Variants in ZNF385D observed in about 807,000 individuals in gnomAD.
ZNF385D encodes the protein zinc finger protein 385D.
Under a neutral mutation model 35.8 loss-of-function variants are expected in ZNF385D, and 15 were observed. That is an observed-to-expected ratio of 0.42 (90% CI 0.28 to 0.64). The LOEUF (loss-of-function observed/expected upper bound fraction) is 0.64. ZNF385D is among the 30% of genes least tolerant of loss of function. The probability of loss-of-function intolerance (pLI) is 0.23; values close to 1 mark genes in which losing one functional copy is unlikely to be tolerated. For missense variants in ZNF385D, 474 were observed against 494.6 expected, an observed-to-expected ratio of 0.96 and a Z score of 0.39; for synonymous variants, 212 against 186.8, an observed-to-expected ratio of 1.13 and a Z score of -1.10.
intron 3 of ZNF385D, among the ~76,000 whole-genome samples, chr3:21,999,236 T>G (rs1036775070): frequency 5.3e-5 from 8 of 152,198 alleles, no homozygotes; most frequent in African/African-American, 1.7e-4. Context: ...GGATATTTCC[T>G]CAGGTTTTCA....
chr3:21,772,308 C>A (rs1160881888), intron 3 of ZNF385D, among the ~76,000 whole-genome samples: 1 of 151,698 alleles, frequency 6.6e-6, no homozygotes, highest in African/African-American at 2.4e-5. Context: ...GAATGGAAGA[C>A]AATATTTGCA....
intron 2 of ZNF385D, among the ~76,000 whole-genome samples, chr3:21,632,444 T>C (rs989377054): frequency 4.6e-5 from 7 of 152,154 alleles, no homozygotes; most frequent in African/African-American, 1.7e-4. Context: ...ATCATTAGTT[T>C]AAACCGTTGG....
At chr3:21,715,073 T>G (rs1217187195) in intron 1 of ZNF385D, among the ~76,000 whole-genome samples, 4 of 152,038 alleles carry the variant, frequency 2.6e-5, no homozygotes, top group Admixed American at 1.3e-4. Context: ...CTTACATATT[T>G]GCTATTTTTT....
At position 21,965,930 on chromosome 3, in the gene ZNF385D, T is replaced by C. The variant is rs546730988; in HGVS notation, c.325+202887A>G. On this transcript the variant is annotated intron_variant, in intron 3 of 5. Coordinates refer to the ZNF385D transcript ENST00000494108. ...AAATAATTAGTGAATCCAGGTAAAG[T>C]CTAGATAAGAGTTCTTTGTACTATT... 3.5e-3 allele frequency among the ~76,000 whole-genome samples: 538 copies of C among 152,220 alleles called. 5 individuals are homozygous for C. Among genetic ancestry groups the C allele is most frequent in the African/African-American group, 0.012 (507 of 41,542 alleles).
chr3:21,434,834 C>T (rs151180857), intron 5 of ZNF385D, among the ~76,000 whole-genome samples: 2 of 151,944 alleles, frequency 1.3e-5, no homozygotes. Context: ...AAAAGGCAAC[C>T]CAAGGAGCAG....
intron 3 of ZNF385D, among the ~76,000 whole-genome samples, chr3:21,977,986 G>A (rs1703741797): frequency 6.6e-6 from 1 of 152,196 alleles, no homozygotes; most frequent in South Asian, 2.1e-4. Context: ...GGAGGTAGTT[G>A]GTATAGCCAA....
intron 2 of ZNF385D, among the ~76,000 whole-genome samples, chr3:22,185,359 C>G (rs1246969975): frequency 2.0e-5 from 3 of 152,166 alleles, no homozygotes; most frequent in African/African-American, 7.2e-5. Context: ...TTATTGCAGG[C>G]TTAATGCAAG....
chr3:21,568,502 A>T (rs942375710), intron 2 of ZNF385D, among the ~76,000 whole-genome samples: 4 of 152,182 alleles, frequency 2.6e-5, no homozygotes, highest in Admixed American at 6.6e-5. Flanking sequence ...GTGTATGCAC[A>T]TTATCGTCAA....
At chr3:21,934,466 G>C (rs985679136) in intron 3 of ZNF385D, among the ~76,000 whole-genome samples, 9 of 151,984 alleles carry the variant, frequency 5.9e-5, no homozygotes, top group African/African-American at 2.2e-4. Flanking sequence ...TATATTCTGA[G>C]GTTAGTAATA....
At chr3:22,155,380 C>T (rs1705520178) in intron 3 of ZNF385D, among the ~76,000 whole-genome samples, 1 of 151,788 alleles carries the variant, frequency 6.6e-6, no homozygotes, top group Non-Finnish European at 1.5e-5. Flanking sequence ...ATTATATACT[C>T]TTAAGATTTT....
intron 1 of ZNF385D, among the ~76,000 whole-genome samples, chr3:21,697,979 A>C (rs187695757): frequency 6.6e-6 from 1 of 152,310 alleles, no homozygotes; most frequent in East Asian, 1.9e-4. Context: ...GAAAAAATGG[A>C]AAACATACAC....
At position 21,413,478 on chromosome 3, in the gene ZNF385D, G is replaced by C. The variant is rs1700520388; in HGVS notation, c.*7736C>G. The C allele has an allele frequency of 6.6e-6, 1 of 152,006 alleles. No individual in the cohort carries two copies. Among genetic ancestry groups the C allele is most frequent in the Admixed American group, 6.6e-5 (1 of 15,242 alleles). The allele number at this position is 152,006 out of a possible 1,614,324, so 9.4% of individuals were successfully genotyped here. A position where few individuals can be genotyped will look rare whatever the true frequency, so the allele number is the denominator to read the frequency against. On this transcript the variant is annotated 3_prime_UTR_variant, in exon 8 of 8. Transcript: ENST00000281523. ...GCTTTGCCACCCCCCAGCTTTGTTA[G>C]TTTTTGTAAAATCAAATTCACCATG...
At chr3:22,069,870 T>C (rs1700146124) in intron 3 of ZNF385D, among the ~76,000 whole-genome samples, 1 of 152,150 alleles carries the variant, frequency 6.6e-6, no homozygotes, top group Non-Finnish European at 1.5e-5. Flanking sequence ...CTTCCTTTGC[T>C]CTATGTCTCC....
At chr3:22,361,507 T>C (rs769398252) in intron 2 of ZNF385D, among the ~76,000 whole-genome samples, 3 of 152,090 alleles carry the variant, frequency 2.0e-5, no homozygotes, top group African/African-American at 7.2e-5. Context: ...TGACTGTGGT[T>C]ATGAAGCCTA....
chr3:21,939,590 T>C (rs1701420336), intron 3 of ZNF385D, among the ~76,000 whole-genome samples: 3 of 152,234 alleles, frequency 2.0e-5, no homozygotes, highest in Admixed American at 1.3e-4. Flanking sequence ...ATAGAAGGAA[T>C]TAAATATCCA....
chr3:22,018,260 G>A (rs1846162), intron 3 of ZNF385D, among the ~76,000 whole-genome samples: 68,795 of 151,016 alleles, frequency 0.46, 16,214 homozygotes, highest in East Asian at 0.82. Context: ...AGAATTTTTC[G>A]AAAATAACTT....
intron 2 of ZNF385D, among the ~76,000 whole-genome samples, chr3:22,326,281 G>T (rs951227953): frequency 6.6e-6 from 1 of 152,152 alleles, no homozygotes; most frequent in Non-Finnish European, 1.5e-5. Context: ...CAAATTTGGG[G>T]AAGATTTGAA....
intron 3 of ZNF385D, among the ~76,000 whole-genome samples, chr3:21,915,317 TTTTC>T (rs1279601334): frequency 6.6e-6 from 1 of 152,130 alleles, no homozygotes; most frequent in Non-Finnish European, 1.5e-5. Context: ...TTGAGTTTAT[TTTTC>T]TTTAAGATTA....
chr3:21,635,634 T>G (rs2065407411), intron 2 of ZNF385D, among the ~76,000 whole-genome samples: 1 of 152,018 alleles, frequency 6.6e-6, no homozygotes, highest in Non-Finnish European at 1.5e-5. Flanking sequence ...TTAGTAGTGA[T>G]TTGAGATTTT....
Sources: allele counts gnomAD v4.1 joint callset (sites outside exome capture counted in the v4.1 genomes callset), GRCh38; gene constraint gnomAD v4.1.1; transcripts MANE v1.5; gene names NCBI Gene and HGNC (gene_info 2026-07-23, HGNC 2026-07-21).